Variants in IMMP2L observed in about 807,000 individuals in gnomAD.
The protein encoded by IMMP2L is inner mitochondrial membrane peptidase subunit 2.
IMMP2L carries 18 observed loss-of-function variants against 19.3 expected under a neutral mutation model. That is an observed-to-expected ratio of 0.93 (90% CI 0.64 to 1.38). IMMP2L has a LOEUF of 1.38. IMMP2L is among the 40% of genes most tolerant of loss of function. IMMP2L has a pLI of 0.00. For synonymous variants in IMMP2L, 76 were observed against 73.0 expected, an observed-to-expected ratio of 1.04 and a Z score of -0.21; for missense variants, 233 against 218.2, an observed-to-expected ratio of 1.07 and a Z score of -0.43.
At chr7:111,508,657 T>C (rs1248906622) in intron 2 of IMMP2L, among the ~76,000 whole-genome samples, 4 of 152,180 alleles carry the variant, frequency 2.6e-5, no homozygotes, top group East Asian at 3.9e-4. Flanking sequence ...AGTGTGTTGA[T>C]TGGTTTGTGA....
At chr7:111,379,844 T>C (rs2131207255) in intron 3 of IMMP2L, among the ~76,000 whole-genome samples, 1 of 151,966 alleles carries the variant, frequency 6.6e-6, no homozygotes, top group East Asian at 1.9e-4. Context: ...CGAAATAACA[T>C]TCATGAACAA....
intron 3 of IMMP2L, among the ~76,000 whole-genome samples, chr7:111,203,317 C>A (rs1810350031): frequency 6.6e-6 from 1 of 151,636 alleles, no homozygotes; most frequent in Admixed American, 6.6e-5. Flanking sequence ...AGATACCAGT[C>A]CCTGTTCTCA....
intron 5 of IMMP2L, among the ~76,000 whole-genome samples, chr7:110,669,030 TGTGTGTGTGTGTGTGTGTGTGC>T (rs1384130239): frequency 0.039 from 325 of 8,316 alleles, 8 homozygotes; most frequent in Middle Eastern, 0.18. Flanking sequence ...CAACAGTATG[TGTGTGTGTGTGTGTGTGTGTGC>T]GTGTGTGTGT....
intron 5 of IMMP2L, among the ~76,000 whole-genome samples, chr7:110,665,713 C>T (rs1033909768): frequency 6.6e-6 from 1 of 152,080 alleles, no homozygotes; most frequent in Admixed American, 6.5e-5. Context: ...CACAAAATAT[C>T]GGTGCATCTC....
intron 3 of IMMP2L, among the ~76,000 whole-genome samples, chr7:111,426,143 C>T (rs1226365516): frequency 6.6e-6 from 1 of 150,990 alleles, no homozygotes; most frequent in African/African-American, 2.4e-5. Context: ...CCTTATAATA[C>T]ATAAACTTTG....
chr7:111,402,562 T>G lies in IMMP2L; in HGVS notation c.239+84676A>C, dbSNP rs369581483. On this transcript the variant is annotated intron_variant, in intron 3 of 5. Coordinates refer to ENST00000405709, the MANE Select transcript of IMMP2L (RefSeq NM_032549.4). ...CCCGTCTCTAATAAAAATACGAAAATTAGCCAGGCGCAGTAGCATGCACCA... is the reference window on the plus strand; with the variant it reads ...CCCGTCTCTAATAAAAATACGAAAAGTAGCCAGGCGCAGTAGCATGCACCA... Among the ~76,000 whole-genome samples, 4 of 151,738 alleles carry G rather than the reference T, an allele frequency of 2.6e-5. No homozygotes were observed. The East Asian group carries it at 7.8e-4, about 30-fold the overall frequency.
intron 3 of IMMP2L, among the ~76,000 whole-genome samples, chr7:111,421,972 CAG>C (rs1232798630): frequency 6.6e-6 from 1 of 151,746 alleles, no homozygotes; most frequent in African/African-American, 2.4e-5. Context: ...ATTTATTAAA[CAG>C]AGAATCCTTT....
At chr7:111,368,416 C>CA (rs1829984648) in intron 3 of IMMP2L, among the ~76,000 whole-genome samples, 1 of 151,940 alleles carries the variant, frequency 6.6e-6, no homozygotes, top group South Asian at 2.1e-4. Flanking sequence ...TTCAGTCAGT[C>CA]AGACACATTC....
intron 5 of IMMP2L, among the ~76,000 whole-genome samples, chr7:110,824,412 T>C (rs1484649269): frequency 6.6e-6 from 1 of 152,162 alleles, no homozygotes; most frequent in Non-Finnish European, 1.5e-5. Flanking sequence ...TGTATAGTTC[T>C]AGATAAGTAA....
intron 4 of IMMP2L, among the ~76,000 whole-genome samples, chr7:110,914,119 C>A (rs760020438): frequency 1.3e-5 from 2 of 152,170 alleles, no homozygotes; most frequent in Non-Finnish European, 1.5e-5. Flanking sequence ...TCCTGGACCA[C>A]GTCCGCATCT....
chr7:110,900,272 G>A (rs993873877), intron 4 of IMMP2L, among the ~76,000 whole-genome samples: 1 of 152,134 alleles, frequency 6.6e-6, no homozygotes, highest in East Asian at 1.9e-4. Flanking sequence ...TAGGCCAGCT[G>A]TTGTCCTCTA....
intron 5 of IMMP2L, among the ~76,000 whole-genome samples, chr7:110,866,953 CA>C (rs1179494401): frequency 6.6e-6 from 1 of 152,000 alleles, no homozygotes; most frequent in African/African-American, 2.4e-5. Flanking sequence ...TTTTCACGTA[CA>C]AAAAATATAT....
intron 3 of IMMP2L, among the ~76,000 whole-genome samples, chr7:111,387,368 A>G (rs540138540): frequency 3.2e-4 from 48 of 152,200 alleles, no homozygotes; most frequent in Admixed American, 6.5e-4. Context: ...TCATCACAAA[A>G]TAAGAACACT....
chr7:111,018,558 G>C (rs1430296591), intron 3 of IMMP2L, among the ~76,000 whole-genome samples: 1 of 152,250 alleles, frequency 6.6e-6, no homozygotes, highest in South Asian at 2.1e-4. Flanking sequence ...GGCGCTTTGT[G>C]TGTAGCAGCC....
intron 3 of IMMP2L, among the ~76,000 whole-genome samples, chr7:111,046,963 T>C (rs1792459439): frequency 6.6e-6 from 1 of 152,042 alleles, no homozygotes; most frequent in East Asian, 1.9e-4. Context: ...CCAGGGCCCA[T>C]GGAAGCTAAA....
intron 3 of IMMP2L, among the ~76,000 whole-genome samples, chr7:111,077,055 G>C (rs10257075): frequency 0.78 from 118,284 of 152,166 alleles, 47,151 homozygotes; most frequent in Non-Finnish European, 0.86. Context: ...AAGATGAAAG[G>C]CTGGCTTGCT....
At chr7:111,005,375 C>T (rs6466368) in intron 3 of IMMP2L, among the ~76,000 whole-genome samples, 83,094 of 151,948 alleles carry the variant, frequency 0.55, 23,446 homozygotes, top group African/African-American at 0.59. Flanking sequence ...AAGTAGCTCT[C>T]GGAAATTATT....
chr7:111,059,409 T>C (rs549760427), intron 3 of IMMP2L, among the ~76,000 whole-genome samples: 1 of 152,244 alleles, frequency 6.6e-6, no homozygotes, highest in Non-Finnish European at 1.5e-5. Context: ...TATAGGATAG[T>C]GGAAAACATA....
chr7:110,756,131 C>T (rs1221331505), intron 5 of IMMP2L, among the ~76,000 whole-genome samples: 3 of 151,824 alleles, frequency 2.0e-5, no homozygotes, highest in African/African-American at 4.8e-5. Flanking sequence ...ATGATGAACG[C>T]GTGAATTAGG....
Sources: allele counts gnomAD v4.1 joint callset (sites outside exome capture counted in the v4.1 genomes callset), GRCh38; gene constraint gnomAD v4.1.1; transcripts MANE v1.5; gene names NCBI Gene and HGNC (gene_info 2026-07-23, HGNC 2026-07-21).